Variants in SPMIP5 observed in about 807,000 individuals in gnomAD.
The protein encoded by SPMIP5 is sperm microtubule inner protein 5, also known as sperm-associated microtubule inner protein 5.
chr10:116,665,600 G>T, the SPMIP5 span: 1 of 1,608,032 alleles, frequency 6.2e-7, no homozygotes, highest in Non-Finnish European at 8.5e-7. Context: ...GTTTCAGGGC[G>T]CTGCTACCCA....
the SPMIP5 span, chr10:116,663,833 G>GT: frequency 2.1e-6 from 3 of 1,435,320 alleles, no homozygotes; most frequent in Non-Finnish European, 2.7e-6. Flanking sequence ...CTCACTGGGC[G>GT]TGATTCCAAC....
chr10:116,662,897 G>A, the SPMIP5 span, among the ~76,000 whole-genome samples: 53,621 of 152,062 alleles, frequency 0.35, 10,682 homozygotes, highest in Middle Eastern at 0.49. Context: ...GAAGACGGCC[G>A]TGTGGCTGGG....
At chr10:116,668,938 C>CACACACACAA in the SPMIP5 span, among the ~76,000 whole-genome samples, 6 of 59,650 alleles carry the variant, frequency 1.0e-4, no homozygotes, top group Non-Finnish European at 1.9e-4. Flanking sequence ...CACATGCACA[C>CACACACACAA]ACACACACAC....
chr10:116,668,626 T>C, the SPMIP5 span, among the ~76,000 whole-genome samples: 1 of 152,042 alleles, frequency 6.6e-6, no homozygotes, highest in South Asian at 2.1e-4. Flanking sequence ...TTGTGAACTG[T>C]ACTCATACTA....
the SPMIP5 span, chr10:116,664,416 A>C: frequency 1.2e-6 from 1 of 816,160 alleles, no homozygotes; most frequent in African/African-American, 1.7e-5. Context: ...AAAGGTAAAG[A>C]TCACCCTCCT....
At chr10:116,668,206 C>A in the SPMIP5 span, 1 of 1,553,554 alleles carries the variant, frequency 6.4e-7, no homozygotes, top group Non-Finnish European at 8.9e-7. Flanking sequence ...GGACAGTGAC[C>A]AGGACCCGGG....
At chr10:116,662,918 C>A in the SPMIP5 span, among the ~76,000 whole-genome samples, 6 of 152,266 alleles carry the variant, frequency 3.9e-5, no homozygotes, top group African/African-American at 1.4e-4. Flanking sequence ...CACAGTGGCT[C>A]ACACCTGTAA....
the SPMIP5 span, chr10:116,663,907 T>C: frequency 6.5e-7 from 1 of 1,535,794 alleles, no homozygotes; most frequent in Middle Eastern, 1.7e-4. Context: ...TCTGCGCTTC[T>C]AGCCTTCTGC....
At chr10:116,665,066 C>G in the SPMIP5 span, 5 of 1,485,614 alleles carry the variant, frequency 3.4e-6, no homozygotes, top group Non-Finnish European at 4.4e-6. Flanking sequence ...GACCAGCACC[C>G]TCTTCCCTAA....
chr10:116,668,921 C>T, the SPMIP5 span, among the ~76,000 whole-genome samples: 3 of 76,408 alleles, frequency 3.9e-5, no homozygotes, highest in Admixed American at 1.3e-4. Context: ...CCCCACCCGC[C>T]GGCACACACA....
the SPMIP5 span, chr10:116,668,393 G>GGAATTACTAT: frequency 8.0e-7 from 1 of 1,250,560 alleles, no homozygotes; most frequent in Non-Finnish European, 1.2e-6. Flanking sequence ...TTACTATTGA[G>GGAATTACTAT]TGTGCACAAG....
At chr10:116,667,596 G>A in the SPMIP5 span, among the ~76,000 whole-genome samples, 3 of 152,198 alleles carry the variant, frequency 2.0e-5, no homozygotes, top group Non-Finnish European at 4.4e-5. Flanking sequence ...TTCCTCCTGA[G>A]AACGGCTGTA....
At chr10:116,665,202 C>T in the SPMIP5 span, 1 of 978,476 alleles carries the variant, frequency 1.0e-6, no homozygotes, top group Non-Finnish European at 1.3e-6. Context: ...TTTGAGACCA[C>T]CCTCGGCAAC....
the SPMIP5 span, chr10:116,668,235 C>T: frequency 3.7e-6 from 6 of 1,608,980 alleles, no homozygotes; most frequent in Admixed American, 1.7e-5. Flanking sequence ...CCAGGCACAG[C>T]TGCAGGGTAC....
At chr10:116,668,306 G>A in the SPMIP5 span, 3 of 1,613,306 alleles carry the variant, frequency 1.9e-6, no homozygotes, top group Non-Finnish European at 2.5e-6. Context: ...GTCTTGGAAG[G>A]CTCCATGATT....
chr10:116,665,889 G>A, the SPMIP5 span: 18 of 1,408,746 alleles, frequency 1.3e-5, no homozygotes, highest in Middle Eastern at 2.1e-4. Flanking sequence ...TTCAGAGCCC[G>A]CCTAAACTCC....
At chr10:116,668,283 G>T in the SPMIP5 span, 1 of 1,614,052 alleles carries the variant, frequency 6.2e-7, no homozygotes, top group Non-Finnish European at 8.5e-7. Flanking sequence ...TGATTGGCAG[G>T]TTTCTCATGA....
chr10:116,669,581 C>A, the SPMIP5 span, among the ~76,000 whole-genome samples: 1 of 152,198 alleles, frequency 6.6e-6, no homozygotes, highest in Non-Finnish European at 1.5e-5. Flanking sequence ...CTGGCTATCC[C>A]CATGTGGTTG....
chr10:116,664,395 C>T, the SPMIP5 span: 2 of 864,138 alleles, frequency 2.3e-6, no homozygotes, highest in Non-Finnish European at 1.7e-6. Context: ...TATTTCTTTA[C>T]AATTTATTCT....
Sources: allele counts gnomAD v4.1 joint callset (sites outside exome capture counted in the v4.1 genomes callset), GRCh38; gene constraint gnomAD v4.1.1; transcripts MANE v1.5; gene names NCBI Gene and HGNC (gene_info 2026-07-23, HGNC 2026-07-21).